CNTN1: variants seen among roughly 807,000 people sequenced by gnomAD.
CNTN1 encodes contactin 1.
A neutral mutation model predicts 126.4 loss-of-function variants in CNTN1; 38 were observed. The ratio of observed to expected loss-of-function variants is 0.30; its 90% confidence interval spans 0.23 to 0.39. CNTN1 has a LOEUF of 0.39. CNTN1 is among the 10% of genes least tolerant of loss of function. The probability of loss-of-function intolerance (pLI) is 1.00; values close to 1 mark genes in which losing one functional copy is unlikely to be tolerated. For synonymous variants in CNTN1, 413 were observed against 422.6 expected, an observed-to-expected ratio of 0.98 and a Z score of 0.28; for missense variants, 1,009 against 1,248.4, an observed-to-expected ratio of 0.81 and a Z score of 2.89.
rs1157328715 is a variant in CNTN1 at position 41,012,600 on chromosome 12, T to A, written c.2114-1628T>A. ...CTTCCAGCCCCACATGACGGCTGAGTACTCCATGAAAGGAAGCTGGTTCAA... is the reference window on the plus strand; with the variant it reads ...CTTCCAGCCCCACATGACGGCTGAGAACTCCATGAAAGGAAGCTGGTTCAA... On this transcript the variant is annotated intron_variant, in intron 17 of 23. Transcript: ENST00000551295. Among the ~76,000 whole-genome samples the A allele has an allele frequency of 2.0e-5, 3 of 152,080 alleles. 1 individual carries two copies. The highest frequency in any genetic ancestry group is 4.4e-5 in the Non-Finnish European group (3 of 68,030).
chr12:41,010,400 C>G (rs1948616582), intron 17 of CNTN1, among the ~76,000 whole-genome samples: 1 of 152,202 alleles, frequency 6.6e-6, no homozygotes, highest in Non-Finnish European at 1.5e-5. Flanking sequence ...CCTATAGAAA[C>G]TAGCAGATGT....
intron 9 of CNTN1, among the ~76,000 whole-genome samples, chr12:40,935,641 T>C (rs1022178046): frequency 2.5e-4 from 38 of 152,086 alleles, no homozygotes; most frequent in African/African-American, 8.9e-4. Flanking sequence ...TATTATGTAT[T>C]GCTAAGATTG....
intron 17 of CNTN1, among the ~76,000 whole-genome samples, chr12:40,995,482 G>A (rs528272357): frequency 1.4e-4 from 21 of 150,532 alleles, no homozygotes; most frequent in Admixed American, 1.2e-3. Context: ...ATATAGGGGA[G>A]AAGGAAAAAA....
chr12:40,949,198 G>A (rs999921940), intron 14 of CNTN1, among the ~76,000 whole-genome samples: 11 of 72,980 alleles, frequency 1.5e-4, no homozygotes, highest in African/African-American at 6.8e-4. Flanking sequence ...AAGTCAATTT[G>A]TTTTTTTTTT....
At chr12:40,719,860 C>T (rs749144326) in intron 1 of CNTN1, among the ~76,000 whole-genome samples, 14 of 152,014 alleles carry the variant, frequency 9.2e-5, no homozygotes, top group African/African-American at 1.2e-4. Flanking sequence ...TCTTTTGAGA[C>T]GGAGTCTCGC....
chr12:40,942,052 T>C (rs1306998217), intron 12 of CNTN1, among the ~76,000 whole-genome samples: 1 of 152,120 alleles, frequency 6.6e-6, no homozygotes, highest in African/African-American at 2.4e-5. Flanking sequence ...GCTAAAAATA[T>C]TAGCATGATT....
chr12:41,022,286 T>A (rs1948933167), intron 20 of CNTN1, among the ~76,000 whole-genome samples: 1 of 152,194 alleles, frequency 6.6e-6, no homozygotes. Context: ...CAAAGAAGAT[T>A]TTTTTCAAAT....
chr12:40,787,274 T>C (rs541402487), intron 1 of CNTN1, among the ~76,000 whole-genome samples: 1 of 152,292 alleles, frequency 6.6e-6, no homozygotes, highest in East Asian at 1.9e-4. Flanking sequence ...TACAGTTGAC[T>C]CAGGACTTGG....
chr12:40,901,369 T>C (rs1159375920), intron 1 of CNTN1, among the ~76,000 whole-genome samples: 1 of 152,204 alleles, frequency 6.6e-6, no homozygotes, highest in Non-Finnish European at 1.5e-5. Flanking sequence ...CAGGGTCCAC[T>C]TAACACCATT....
At chr12:40,895,447 C>G (rs578176971) in intron 1 of CNTN1, among the ~76,000 whole-genome samples, 230 of 152,240 alleles carry the variant, frequency 1.5e-3, no homozygotes, top group Non-Finnish European at 2.2e-3. Flanking sequence ...TGAGAGCCTC[C>G]TTGCTGGTGG....
chr12:40,842,671 T>A (rs1344238619), intron 1 of CNTN1, among the ~76,000 whole-genome samples: 1 of 152,106 alleles, frequency 6.6e-6, no homozygotes, highest in Non-Finnish European at 1.5e-5. Context: ...GATTGAAGAT[T>A]ATGGAGGGCA....
chr12:40,955,943 T>A (rs1335101083), intron 14 of CNTN1, among the ~76,000 whole-genome samples: 1 of 152,040 alleles, frequency 6.6e-6, no homozygotes, highest in African/African-American at 2.4e-5. Context: ...CATAGCAAAG[T>A]ATACCCTATT....
chr12:40,804,719 A>G (rs577601711), intron 1 of CNTN1, among the ~76,000 whole-genome samples: 1 of 152,090 alleles, frequency 6.6e-6, no homozygotes, highest in African/African-American at 2.4e-5. Context: ...TATTTTTACC[A>G]TTTTAAGAGC....
At chr12:40,820,261 A>G (rs572388258) in intron 1 of CNTN1, among the ~76,000 whole-genome samples, 1 of 152,316 alleles carries the variant, frequency 6.6e-6, no homozygotes, top group South Asian at 2.1e-4. Context: ...GATGGAGGGC[A>G]TTACTCTATT....
At chr12:40,981,855 A>G (rs1947829621) in intron 16 of CNTN1, among the ~76,000 whole-genome samples, 1 of 152,030 alleles carries the variant, frequency 6.6e-6, no homozygotes, top group South Asian at 2.1e-4. Flanking sequence ...AAAAGAGGAG[A>G]CATAGAAATA....
intron 12 of CNTN1, among the ~76,000 whole-genome samples, chr12:40,942,676 TTAAA>T (rs1404375626): frequency 6.6e-6 from 1 of 152,154 alleles, no homozygotes; most frequent in Non-Finnish European, 1.5e-5. Context: ...TTCCATGATC[TTAAA>T]TAATTACTTT....
chr12:40,972,541 A>G (rs1490865797), intron 15 of CNTN1: 2 of 815,508 alleles, frequency 2.5e-6, no homozygotes, highest in Non-Finnish European at 3.0e-6. Flanking sequence ...TAACTCTTAA[A>G]TTATTATATG....
intron 1 of CNTN1, among the ~76,000 whole-genome samples, chr12:40,704,898 C>T (rs1941699668): frequency 6.6e-6 from 1 of 152,174 alleles, no homozygotes; most frequent in Non-Finnish European, 1.5e-5. Flanking sequence ...GCCATTGCTA[C>T]TGACCTAAAT....
intron 14 of CNTN1, among the ~76,000 whole-genome samples, chr12:40,956,711 A>G (rs568107922): frequency 6.6e-6 from 1 of 152,216 alleles, no homozygotes; most frequent in East Asian, 1.9e-4. Flanking sequence ...AGAGAATGGA[A>G]TCAAGTTGGC....
Sources: allele counts gnomAD v4.1 joint callset (sites outside exome capture counted in the v4.1 genomes callset), GRCh38; gene constraint gnomAD v4.1.1; transcripts MANE v1.5; gene names NCBI Gene and HGNC (gene_info 2026-07-23, HGNC 2026-07-21).